Variants in DMBT1 observed in about 807,000 individuals in gnomAD.
The protein encoded by DMBT1 is scavenger receptor cysteine-rich domain-containing protein DMBT1.
A neutral mutation model predicts 252.9 loss-of-function variants in DMBT1; 198 were observed. The observed-to-expected ratio is 0.78, with a 90% CI of 0.70 to 0.88. DMBT1 has a LOEUF of 0.88. Ranked by LOEUF, DMBT1 falls within the 40% of genes least tolerant of loss-of-function variation. The pLI is 0.00. For synonymous variants in DMBT1, 990 were observed against 942.7 expected, an observed-to-expected ratio of 1.05 and a Z score of -0.92; for missense variants, 2,432 against 2,404.7, an observed-to-expected ratio of 1.01 and a Z score of -0.24.
intron 51 of DMBT1, 38 bp downstream of exon 51, chr10:122,632,928 G>C (rs1285527301): frequency 1.9e-6 from 3 of 1,612,974 alleles, no homozygotes; most frequent in Non-Finnish European, 2.5e-6. Flanking sequence ...GTGGCAGAGT[G>C]GCCTGGAAAT....
chr10:122,579,448 T>C (rs1031580110), intron 9 of DMBT1, 130 bp from the exon 10 acceptor site: 2 of 1,547,906 alleles, frequency 1.3e-6, no homozygotes, highest in Non-Finnish European at 8.8e-7. Context: ...GCCTAGTCTG[T>C]GGTCATATGC....
chr10:122,576,241 C>T (rs537620580), intron 6 of DMBT1, among the ~76,000 whole-genome samples, 158 bp from the exon 7 acceptor site: 1 of 152,350 alleles, frequency 6.6e-6, no homozygotes, highest in South Asian at 2.1e-4. Flanking sequence ...GTCCTCTTCC[C>T]CATGAAGAAC....
chr10:122,625,429 C>A, intron 45 of DMBT1, 126 bp downstream of exon 45: 1 of 930,422 alleles, frequency 1.1e-6, no homozygotes, highest in Non-Finnish European at 1.7e-6. Context: ...GGACTCTGAT[C>A]TTTGTTAGGG....
At chr10:122,588,017 C>G (rs2097806195) in intron 16 of DMBT1, among the ~76,000 whole-genome samples, 1 of 148,444 alleles carries the variant, frequency 6.7e-6, no homozygotes, top group African/African-American at 2.4e-5. Context: ...GTGGCAAAAA[C>G]CAGAAATCCA....
rs202031071 is a variant in DMBT1, at chr10:122,621,222, C to G, written c.5450C>G (p.Ser1817Trp). The G allele has an allele frequency of 5.0e-6, 8 of 1,613,830 alleles. No homozygotes were observed. The highest frequency in any genetic ancestry group is 5.1e-6 in the Non-Finnish European group (6 of 1,179,798). ...CAGCTGGGCTGTGGCTGGGCCATGT[C>G]GGCCCCAGGAAATGCCCGGTTTGGC... ...CRQLGCGWAM[S>W]APGNARFGQG... Residue 1817 changes from serine to tryptophan, a missense_variant, in exon 44 of 56, where the codon TCG (serine) becomes TGG (tryptophan). Coordinates refer to ENST00000338354, the MANE Select transcript of DMBT1 (RefSeq NM_001377530.1).
chr10:122,589,883 C>T (rs1231931726), intron 17 of DMBT1, among the ~76,000 whole-genome samples: 4 of 148,638 alleles, frequency 2.7e-5, no homozygotes, highest in African/African-American at 7.3e-5. Flanking sequence ...AGACATGGCA[C>T]ATCAGGCCTC....
intron 46 of DMBT1, among the ~76,000 whole-genome samples, chr10:122,627,517 A>G (rs2098126884): frequency 6.6e-6 from 1 of 152,210 alleles, no homozygotes; most frequent in Non-Finnish European, 1.5e-5. Flanking sequence ...ATGATTTTCC[A>G]CTGTATAGAT....
At chr10:122,575,614 G>A (rs1377782894) in intron 6 of DMBT1, among the ~76,000 whole-genome samples, 2 of 152,182 alleles carry the variant, frequency 1.3e-5, no homozygotes, top group African/African-American at 2.4e-5. Context: ...GTTGTGACAG[G>A]TAATGAGTAA....
Position 122,563,443 on chromosome 10 carries a change from C to T in DMBT1, c.62-2524C>T, listed in dbSNP as rs1169500617. On this transcript the variant is annotated intron_variant, in intron 1 of 55. Coordinates refer to ENST00000338354, the MANE Select transcript of DMBT1 (RefSeq NM_001377530.1). ...CAGAAAATGAAAAACTGGTGAAATC[C>T]AGATAAAGCCTGGAGTAAACTTAGT... Among the ~76,000 whole-genome samples, 4 of 152,040 alleles carry T rather than the reference C, an allele frequency of 2.6e-5. No homozygotes were observed. In the East Asian group the frequency reaches 7.7e-4, roughly 29 times the overall value.
intron 39 of DMBT1, 85 bp from the exon 40 acceptor site, chr10:122,617,143 T>G (rs11528739): frequency 0.063 from 90,786 of 1,430,946 alleles, 6,688 homozygotes; most frequent in East Asian, 0.32. Context: ...GTTGCCAGGT[T>G]GATTCCCCCT....
chr10:122,640,586 C>T (rs182852721), intron 55 of DMBT1, 137 bp downstream of exon 55: 2 of 948,286 alleles, frequency 2.1e-6, no homozygotes, highest in South Asian at 1.8e-5. Flanking sequence ...TCCCTTTCTA[C>T]ATGTAGTGAT....
In DMBT1 at chr10:122,588,401, G is replaced by GC. The variant is rs1485690514; in HGVS notation, c.1784-543_1784-542insC. On this transcript the variant is annotated intron_variant, in intron 16 of 55. Coordinates refer to ENST00000338354, the MANE Select transcript of DMBT1 (RefSeq NM_001377530.1). Reference sequence around the variant, plus strand: ...CTTCCAAGTATCAGGAAATAATAAAGAAAAAAAAAAAAGATCCTCATCCAG... The same window carrying GC: ...CTTCCAAGTATCAGGAAATAATAAAGCAAAAAAAAAAAAGATCCTCATCCAG... Among the ~76,000 whole-genome samples, 3 of 137,188 alleles carry GC rather than the reference G, an allele frequency of 2.2e-5. 1 individual carries two copies. Among genetic ancestry groups the GC allele is most frequent in the African/African-American group, 7.7e-5 (3 of 38,984 alleles). The allele number at this position is 137,188 out of a possible 152,430, so 90.0% of individuals were successfully genotyped here.
intron 46 of DMBT1, among the ~76,000 whole-genome samples, chr10:122,629,337 C>G (rs2098141003): frequency 6.6e-6 from 1 of 152,192 alleles, no homozygotes; most frequent in Non-Finnish European, 1.5e-5. Context: ...AGAGGCAGAG[C>G]CAAGATGCAA....
chr10:122,588,544 G>A (rs114973861), intron 16 of DMBT1, among the ~76,000 whole-genome samples: 1,947 of 149,196 alleles, frequency 0.013, 111 homozygotes, highest in African/African-American at 0.044. Context: ...GCAGCTGTCT[G>A]GCCAAAGCCT....
intron 54 of DMBT1, among the ~76,000 whole-genome samples, chr10:122,638,545 A>G (rs2684744): frequency 0.5 from 75,984 of 152,148 alleles, 21,696 homozygotes; most frequent in African/African-American, 0.79. Flanking sequence ...GGGCTTAAGC[A>G]ATCTTCCAGC....
At chr10:122,576,316 G>A in intron 6 of DMBT1, 83 bp from the exon 7 acceptor site, 2 of 1,545,548 alleles carry the variant, frequency 1.3e-6, no homozygotes, top group Non-Finnish European at 1.8e-6. Flanking sequence ...TCTGCCTATG[G>A]GGAAGACCCT....
At chr10:122,643,048 T>C (rs1844852562) in intron 55 of DMBT1, 74 bp from the exon 56 acceptor site, 2 of 1,567,704 alleles carry the variant, frequency 1.3e-6, no homozygotes, top group East Asian at 4.5e-5. Flanking sequence ...GTGGAGTTCC[T>C]CACCTGGTAC....
intron 1 of DMBT1, among the ~76,000 whole-genome samples, chr10:122,565,550 A>G (rs1383675469): frequency 6.6e-6 from 1 of 152,174 alleles, no homozygotes; most frequent in Non-Finnish European, 1.5e-5. Context: ...AGTCAGAAGG[A>G]ACAGAATATC....
chr10:122,561,878 T>A (rs912936242), intron 1 of DMBT1, among the ~76,000 whole-genome samples: 1 of 142,084 alleles, frequency 7.0e-6, no homozygotes, highest in African/African-American at 2.6e-5. Context: ...TTCTCTTTAT[T>A]GGGCAGCTAT....
Sources: allele counts gnomAD v4.1 joint callset (sites outside exome capture counted in the v4.1 genomes callset), GRCh38; gene constraint gnomAD v4.1.1; transcripts MANE v1.5; gene names NCBI Gene and HGNC (gene_info 2026-07-23, HGNC 2026-07-21).